The following ADAMTS18 variants were observed in gnomAD, a reference collection of about 807,000 sequenced individuals.
ADAMTS18 encodes ADAM metallopeptidase with thrombospondin type 1 motif 18.
ADAMTS18 carries 157 observed loss-of-function variants against 165.9 expected under a neutral mutation model. That is an observed-to-expected ratio of 0.95 (90% CI 0.83 to 1.08). The LOEUF is 1.08. Among genes scored for constraint, ADAMTS18 ranks in the 50% least tolerant of loss-of-function variants. The pLI is 0.00. For synonymous variants in ADAMTS18, 782 were observed against 578.2 expected, an observed-to-expected ratio of 1.35 and a Z score of -5.06; for missense variants, 2,040 against 1,534.0, an observed-to-expected ratio of 1.33 and a Z score of -5.51.
chr16:77,284,127 T>TC (rs2055202667), intron 22 of ADAMTS18, 56 bp from the exon 23 acceptor site: 5 of 1,190,590 alleles, frequency 4.2e-6, no homozygotes, highest in African/African-American at 1.5e-5. Context: ...CTTTTTCTTT[T>TC]TTTTTTTTTT....
intron 12 of ADAMTS18, among the ~76,000 whole-genome samples, chr16:77,328,248 G>A (rs954091832): frequency 2.0e-5 from 3 of 152,100 alleles, no homozygotes; most frequent in Non-Finnish European, 4.4e-5. Context: ...AGCTTACTCC[G>A]TGCACAAAGA....
intron 2 of ADAMTS18, chr16:77,432,544 C>T (rs1402621362): frequency 6.6e-6 from 1 of 152,176 alleles, no homozygotes; most frequent in Non-Finnish European, 1.5e-5. Context: ...AGCTGAAAAG[C>T]ATCATCCCAC....
chr16:77,344,139 A>T (rs952075983), intron 10 of ADAMTS18, among the ~76,000 whole-genome samples: 8 of 140,736 alleles, frequency 5.7e-5, no homozygotes, highest in Non-Finnish European at 3.1e-5. Context: ...ACATACATAT[A>T]TATGTATGTG....
At chr16:77,366,224 A>G (rs2056791722) in intron 4 of ADAMTS18, among the ~76,000 whole-genome samples, 1 of 152,218 alleles carries the variant, frequency 6.6e-6, no homozygotes, top group Non-Finnish European at 1.5e-5. Flanking sequence ...TGAGCCACAG[A>G]AGAATTTAAA....
chr16:77,403,649 C>G (rs530815972), intron 3 of ADAMTS18, among the ~76,000 whole-genome samples: 25 of 152,290 alleles, frequency 1.6e-4, no homozygotes, highest in African/African-American at 5.8e-4. Context: ...TCTAAATGAC[C>G]TGTGTGTCTC....
intron 3 of ADAMTS18, among the ~76,000 whole-genome samples, chr16:77,393,797 T>A (rs1226221942): frequency 1.3e-5 from 2 of 152,164 alleles, no homozygotes; most frequent in Non-Finnish European, 2.9e-5. Flanking sequence ...ACAAAACACT[T>A]CTGTGGGCTG....
chr16:77,389,424 G>A (rs773073629), intron 3 of ADAMTS18, among the ~76,000 whole-genome samples: 3 of 152,210 alleles, frequency 2.0e-5, no homozygotes, highest in Non-Finnish European at 2.9e-5. Context: ...GGAGTGGCAT[G>A]GTGTTACGGA....
intron 22 of ADAMTS18, among the ~76,000 whole-genome samples, chr16:77,287,811 A>T (rs1041776180): frequency 6.6e-6 from 1 of 152,074 alleles, no homozygotes; most frequent in Non-Finnish European, 1.5e-5. Context: ...TATGCACCCT[A>T]TGACTCCCCT....
intron 3 of ADAMTS18, among the ~76,000 whole-genome samples, chr16:77,411,336 C>G (rs1224866805): frequency 6.6e-6 from 1 of 152,220 alleles, no homozygotes; most frequent in Non-Finnish European, 1.5e-5. Flanking sequence ...GAGTCAGTCT[C>G]ATGCCAACGC....
chr16:77,364,746 A>G (rs1178698748), intron 4 of ADAMTS18, among the ~76,000 whole-genome samples: 5 of 79,898 alleles, frequency 6.3e-5, no homozygotes, highest in Non-Finnish European at 4.9e-5. Context: ...GAAAGAAAGA[A>G]AAGAAAAGAA....
intron 22 of ADAMTS18, among the ~76,000 whole-genome samples, chr16:77,284,483 G>C (rs1426369554): frequency 6.6e-6 from 1 of 152,034 alleles, no homozygotes; most frequent in Non-Finnish European, 1.5e-5. Context: ...TTTTTCTTAA[G>C]GTGAGGGCCT....
At chr16:77,326,706 A>C (rs1424989284) in intron 12 of ADAMTS18, among the ~76,000 whole-genome samples, 1 of 152,178 alleles carries the variant, frequency 6.6e-6, no homozygotes, top group African/African-American at 2.4e-5. Context: ...TTTTGTTTTT[A>C]AATTTTTTAA....
rs545808096 is a variant in ADAMTS18, at chr16:77,293,946, G to C, written c.3007-688C>G. Among the ~76,000 whole-genome samples the C allele has an allele frequency of 1.5e-4, 23 of 151,784 alleles. No homozygotes were observed. In the East Asian group the frequency reaches 4.5e-3, roughly 29 times the overall value. On this transcript the variant is annotated intron_variant, in intron 19 of 22. Transcript: ENST00000282849. Reference sequence around the variant, plus strand: ...TACTTGTTCATGACCTGGGGGTTGGGGACCCTTGTGCTAACAGATATGTCC... The same window carrying C: ...TACTTGTTCATGACCTGGGGGTTGGCGACCCTTGTGCTAACAGATATGTCC...
At chr16:77,369,382 G>A (rs961752377) in intron 3 of ADAMTS18, among the ~76,000 whole-genome samples, 2 of 150,534 alleles carry the variant, frequency 1.3e-5, no homozygotes, top group Admixed American at 6.6e-5. Context: ...AATTAATTTT[G>A]GGTTTAGTTT....
chr16:77,397,014 G>T (rs1036240354), intron 3 of ADAMTS18, among the ~76,000 whole-genome samples: 1 of 151,980 alleles, frequency 6.6e-6, no homozygotes, highest in African/African-American at 2.4e-5. Context: ...TCACCATGTT[G>T]GCCAGGCTGG....
At chr16:77,297,540 G>A (rs1161440291) in intron 17 of ADAMTS18, 125 bp from the exon 18 acceptor site, 4 of 987,282 alleles carry the variant, frequency 4.1e-6, no homozygotes, top group East Asian at 5.1e-5. Flanking sequence ...CAAATATTTT[G>A]TGGAACGCTT....
chr16:77,301,622 G>A (rs1271455992), intron 16 of ADAMTS18, among the ~76,000 whole-genome samples: 2 of 152,204 alleles, frequency 1.3e-5, no homozygotes, highest in Non-Finnish European at 2.9e-5. Context: ...TCTCCCTCGG[G>A]TGGGATCCCA....
intron 3 of ADAMTS18, among the ~76,000 whole-genome samples, chr16:77,385,288 C>T (rs556968122): frequency 6.6e-6 from 1 of 152,264 alleles, no homozygotes; most frequent in South Asian, 2.1e-4. Context: ...TTATCATTAT[C>T]CAAATGTATT....
At chr16:77,314,053 A>G (rs1410843465) in intron 16 of ADAMTS18, among the ~76,000 whole-genome samples, 1 of 152,126 alleles carries the variant, frequency 6.6e-6, no homozygotes, top group Non-Finnish European at 1.5e-5. Flanking sequence ...CTTCCTCTCA[A>G]ATAAAAATGC....
Sources: gnomAD v4.1 joint callset for allele counts (sites outside exome capture counted in the v4.1 genomes callset) on GRCh38, gnomAD v4.1.1 for gene constraint, MANE v1.5 for transcripts, NCBI Gene and HGNC (gene_info 2026-07-23, HGNC 2026-07-21) for gene names.